The following VPS39 variants were observed in gnomAD, a reference collection of about 807,000 sequenced individuals.
VPS39 encodes the protein VPS39 subunit of HOPS complex.
A neutral mutation model predicts 121.0 loss-of-function variants in VPS39; 70 were observed. That is an observed-to-expected ratio of 0.58 (90% CI 0.48 to 0.71). The LOEUF is 0.71. VPS39 is among the 30% of genes least tolerant of loss of function. The pLI, the probability that VPS39 is intolerant of heterozygous loss-of-function variation, is 0.00. For synonymous variants in VPS39, 378 were observed against 398.1 expected (o/e 0.95, Z 0.60); for missense variants, 818 against 1,051.5 (o/e 0.78, Z 3.07).
chr15:42,191,916 G>T, intron 2 of VPS39: 1 of 883,534 alleles, frequency 1.1e-6, no homozygotes, highest in Non-Finnish European at 1.7e-6. Flanking sequence ...AAATATAAGA[G>T]CCCAAGCCAT....
At chr15:42,207,081 G>C (rs551652768) in intron 1 of VPS39, among the ~76,000 whole-genome samples, 9 of 152,272 alleles carry the variant, frequency 5.9e-5, no homozygotes, top group African/African-American at 1.9e-4. Flanking sequence ...AATTCTTCGT[G>C]AAAGAACCCT....
Position 42,165,761 on chromosome 15 carries a change from C to T in VPS39, c.1736G>A (p.Gly579Asp). The T allele has an allele frequency of 6.2e-7, 1 of 1,614,120 alleles. No homozygotes were observed. Among genetic ancestry groups the T allele is most frequent in the Non-Finnish European group, 8.5e-7 (1 of 1,180,020 alleles). The stretch of plus-strand genomic sequence containing the variant: ...ACCCTTAAAATTCTCTATTAAGAAG[C>T]CGAGGACTCGATCACGTGGCAGAGA... ...VESLPRDRVL[G>D]FLIENFKGLA... Residue 579 changes from glycine to aspartate, a missense_variant, in exon 17 of 25, where the codon GGC (glycine) becomes GAC (aspartate). Physicochemically the swap from Gly to Asp is moderately conservative, Grantham distance 94 (BLOSUM62 -1). Transcript: ENST00000318006.
chr15:42,199,724 T>G (rs2050025434), intron 2 of VPS39, 172 bp downstream of exon 2: 1 of 633,344 alleles, frequency 1.6e-6, no homozygotes, highest in Non-Finnish European at 2.6e-6. Context: ...GGTAGGGCAA[T>G]ACAATTTGGA....
chr15:42,176,257 A>C (rs2049449077), intron 10 of VPS39, among the ~76,000 whole-genome samples: 1 of 152,164 alleles, frequency 6.6e-6, no homozygotes, highest in South Asian at 2.1e-4. Context: ...TAGACTAAAG[A>C]GTTTCATACT....
chr15:42,161,151 T>A, intron 24 of VPS39: 1 of 372,676 alleles, frequency 2.7e-6, no homozygotes, highest in Admixed American at 4.0e-5. Flanking sequence ...ACAATGTTCA[T>A]CAGAACAGGT....
chr15:42,174,031 A>G (rs2049398634), intron 10 of VPS39, among the ~76,000 whole-genome samples, 179 bp from the exon 11 acceptor site: 1 of 152,100 alleles, frequency 6.6e-6, no homozygotes, highest in African/African-American at 2.4e-5. Flanking sequence ...GCGGATCACA[A>G]GGTCAGGAGA....
chr15:42,200,018 G>T (rs1424807466), intron 1 of VPS39, 57 bp from the exon 2 acceptor site: 2 of 1,513,652 alleles, frequency 1.3e-6, no homozygotes, highest in African/African-American at 2.9e-5. Context: ...TTTGAGAAAG[G>T]TCAATCAGCT....
intron 3 of VPS39, 27 bp from the exon 4 acceptor site, chr15:42,191,194 A>G (rs1300624762): frequency 6.2e-7 from 1 of 1,613,412 alleles, no homozygotes; most frequent in African/African-American, 1.3e-5. Flanking sequence ...CATGAGACCC[A>G]ATTAAACATT....
intron 2 of VPS39, among the ~76,000 whole-genome samples, chr15:42,196,050 G>A (rs1025366595): frequency 6.6e-6 from 1 of 152,120 alleles, no homozygotes; most frequent in African/African-American, 2.4e-5. Flanking sequence ...TGACAAACCT[G>A]ACAAAAACAA....
At chr15:42,177,159 T>TC (rs1170103372) in intron 10 of VPS39, among the ~76,000 whole-genome samples, 3,681 of 95,258 alleles carry the variant, frequency 0.039, 1,184 homozygotes, top group African/African-American at 0.09. Context: ...TGAGACCCTG[T>TC]TTTAAAAAAA....
At chr15:42,191,080 C>T in intron 4 of VPS39, 45 bp downstream of exon 4, 1 of 1,603,962 alleles carries the variant, frequency 6.2e-7, no homozygotes, top group Non-Finnish European at 8.5e-7. Flanking sequence ...TAGGTCATAT[C>T]TTTTCTTGTT....
At chr15:42,198,339 T>C (rs1011311920) in intron 2 of VPS39, among the ~76,000 whole-genome samples, 1 of 152,168 alleles carries the variant, frequency 6.6e-6, no homozygotes, top group African/African-American at 2.4e-5. Context: ...ACGCAAATAT[T>C]TTGGCTCCGA....
At chr15:42,182,163 T>G (rs1462797233) in intron 8 of VPS39, among the ~76,000 whole-genome samples, 1 of 152,230 alleles carries the variant, frequency 6.6e-6, no homozygotes, top group Admixed American at 6.5e-5. Flanking sequence ...TGAACGCTAC[T>G]GCTATTATAC....
intron 2 of VPS39, among the ~76,000 whole-genome samples, chr15:42,196,273 T>C (rs1432887021): frequency 1.3e-5 from 2 of 152,070 alleles, no homozygotes; most frequent in Non-Finnish European, 2.9e-5. Flanking sequence ...AAGGACTTCA[T>C]GTCTAAAACA....
At chr15:42,191,470 T>C in intron 3 of VPS39, 26 bp downstream of exon 3, 1 of 1,608,246 alleles carries the variant, frequency 6.2e-7, no homozygotes, top group Non-Finnish European at 8.5e-7. Context: ...TCAAATATTC[T>C]TGTAAGGACT....
chr15:42,197,436 C>T (rs1373448520), intron 2 of VPS39, among the ~76,000 whole-genome samples: 1 of 151,108 alleles, frequency 6.6e-6, no homozygotes, highest in African/African-American at 2.4e-5. Flanking sequence ...GCCTGTGGTC[C>T]CATCTACCTG....
Position 42,197,531 on chromosome 15 carries a change from C to T in VPS39, c.139+2365G>A, listed in dbSNP as rs186084791. On this transcript the variant is annotated intron_variant, in intron 2 of 24. Coordinates refer to ENST00000318006, the MANE Select transcript of VPS39 (RefSeq NM_015289.5). ...TAGCGCCACTACACTCCAGCCTAGG[C>T]GACACAGCAAGACCCTGTCTCAAAA... Among the ~76,000 whole-genome samples, 561 of 151,914 alleles carry T rather than the reference C, an allele frequency of 3.7e-3. 1 individual carries two copies. The highest frequency in any genetic ancestry group is 0.013 in the African/African-American group (526 of 41,426).
intron 2 of VPS39, among the ~76,000 whole-genome samples, chr15:42,191,827 G>A (rs142816178): frequency 0.01 from 1,570 of 152,284 alleles, 11 homozygotes; most frequent in Non-Finnish European, 0.015. Flanking sequence ...CAAGGTACTC[G>A]TGAGTCTGAA....
intron 11 of VPS39, among the ~76,000 whole-genome samples, chr15:42,173,398 G>T (rs1232902689): frequency 6.6e-6 from 1 of 152,184 alleles, no homozygotes; most frequent in Non-Finnish European, 1.5e-5. Flanking sequence ...AAGGACTTTG[G>T]TTCAGAACAG....
Sources: gnomAD v4.1 joint callset for allele counts (sites outside exome capture counted in the v4.1 genomes callset) on GRCh38, gnomAD v4.1.1 for gene constraint, MANE v1.5 for transcripts, NCBI Gene and HGNC (gene_info 2026-07-23, HGNC 2026-07-21) for gene names.